The following TSPOAP1 variants were observed in gnomAD, a reference collection of about 807,000 sequenced individuals.
TSPOAP1 encodes the protein TSPO associated protein 1.
In TSPOAP1, 87 loss-of-function variants were observed where a neutral mutation model predicts 197.0. The ratio of observed to expected loss-of-function variants is 0.44; its 90% CI spans 0.37 to 0.53. The LOEUF is 0.53. Among genes scored for constraint, TSPOAP1 ranks in the 20% least tolerant of loss-of-function variants. The probability of loss-of-function intolerance (pLI) is 0.00; values close to 1 mark genes in which losing one functional copy is unlikely to be tolerated. For missense variants in TSPOAP1, 2,174 were observed against 2,411.3 expected (o/e 0.90, Z 2.06); for synonymous variants, 913 against 998.9 (o/e 0.91, Z 1.62).
intron 1 of TSPOAP1, among the ~76,000 whole-genome samples, 188 bp downstream of exon 1, chr17:58,327,400 A>C (rs1313453095): frequency 6.6e-6 from 1 of 152,210 alleles, no homozygotes; most frequent in Non-Finnish European, 1.5e-5. Context: ...ATGACGAAAG[A>C]AATGGAGCCC....
At chr17:58,327,468 A>T in intron 1 of TSPOAP1, 120 bp downstream of exon 1, 1 of 959,260 alleles carries the variant, frequency 1.0e-6, no homozygotes, top group Non-Finnish European at 1.6e-6. Context: ...ACCCACAGAC[A>T]GGCCAAGAGA....
chr17:58,316,618 C>T lies in TSPOAP1; in HGVS notation c.1873-78G>A, dbSNP rs1971244893. ...CAAGCAGGCAGGTTTCCAGGCTGAG[C>T]CAGAGGACCTATTGCTTTAAGGAGG... On this transcript the variant is annotated intron_variant, in intron 14 of 31. Transcript: ENST00000343736. 17 of 1,156,862 alleles carry T rather than the reference C, an allele frequency of 1.5e-5. 1 individual carries two copies. In the South Asian group the frequency reaches 2.5e-4, roughly 17 times the overall value. 71.7% of individuals were successfully genotyped at this position (1,156,862 alleles called of 1,614,324 possible). A position where few individuals can be genotyped will look rare whatever the true frequency, so the allele number is the denominator to read the frequency against.
Position 58,327,638 on chromosome 17 carries a change from C to CA in TSPOAP1, c.282dup (p.Gly95TrpfsTer10). ...TCCTCTGGCCTCTGGCAGGCGGGTCCAGAGCTGGATGCTTGCTGGCCCAGG... is the reference window on the plus strand; with the variant it reads ...TCCTCTGGCCTCTGGCAGGCGGGTCCAAGAGCTGGATGCTTGCTGGCCCAGG... On this transcript the variant is annotated frameshift_variant, in exon 1 of 32. Coordinates refer to ENST00000343736, the MANE Select transcript of TSPOAP1 (RefSeq NM_004758.4). LOFTEE classifies it high-confidence loss of function. The CA allele has an allele frequency of 6.2e-7, 1 of 1,613,580 alleles. No homozygotes were observed. The highest frequency in any genetic ancestry group is 8.5e-7 in the Non-Finnish European group (1 of 1,180,026).
intron 25 of TSPOAP1, 63 bp downstream of exon 25, chr17:58,306,737 A>G (rs1302566178): frequency 6.4e-7 from 1 of 1,555,868 alleles, no homozygotes; most frequent in African/African-American, 1.4e-5. Flanking sequence ...ACAATTGCTC[A>G]GGGTCAGGTG....
In TSPOAP1 at chr17:58,324,991, C is replaced by A; in HGVS notation, c.762G>T (p.Gln254His). 1 of 1,534,312 alleles carries A rather than the reference C, an allele frequency of 6.5e-7. No homozygotes were observed. Among genetic ancestry groups the A allele is most frequent in the Non-Finnish European group, 8.8e-7 (1 of 1,141,062 alleles). Residue 254 changes from glutamine (Q) to histidine (H), a missense_variant, in exon 5 of 32, where the codon CAG becomes CAT. Physicochemically the swap from Gln to His is conservative, Grantham distance 24. Around this residue, in one of 5 missense-constraint regions of TSPOAP1, gnomAD observed 1,933 missense variants for 2,139.0 expected, o/e 0.90. Coordinates refer to ENST00000343736, the MANE Select transcript of TSPOAP1 (RefSeq NM_004758.4). The surrounding 1 kb of genome is among the most constrained non-coding windows in gnomAD (Gnocchi z 5.8). ...RLTLVGKEGP[Q>H]WLHVRDFDRL... ...GATCGAAGTCCCGCACGTGGAGCCACTGGGGACCCTCCTGAGGTTGGGGGA... is the reference window on the plus strand; with the variant it reads ...GATCGAAGTCCCGCACGTGGAGCCAATGGGGACCCTCCTGAGGTTGGGGGA...
chr17:58,312,164 C>A lies in TSPOAP1; in HGVS notation c.2657G>T (p.Ser886Ile). 1 of 1,613,098 alleles carries A rather than the reference C, an allele frequency of 6.2e-7. No individual in the cohort carries two copies. The highest frequency in any genetic ancestry group is 1.3e-5 in the African/African-American group (1 of 75,064). The change falls in exon 17 of 32, where the codon AGC becomes ATC. Residue 886 changes from serine (S) to isoleucine (I), a missense_variant. Ser to Ile is a moderately radical substitution (Grantham distance 142). Transcript: ENST00000343736. ...AVGARAGVVP[S>I]QLRVHRLTAT... is the part of the protein sequence containing the mutation. ...TGTCAACCGATGGACCCGCAGCTGG[C>A]TGGGCACCACTCCGGCCCGGGCACC...
At chr17:58,310,213 G>T in intron 20 of TSPOAP1, 55 bp from the exon 21 acceptor site, 1 of 1,548,074 alleles carries the variant, frequency 6.5e-7, no homozygotes. Flanking sequence ...GGCACAGGGG[G>T]TTCCAGGCAG....
chr17:58,311,281 C>CA, intron 18 of TSPOAP1, 68 bp from the exon 19 acceptor site: 1 of 1,570,052 alleles, frequency 6.4e-7, no homozygotes. Context: ...GATGCACTGA[C>CA]AGCAGTGGCA....
intron 13 of TSPOAP1, 92 bp from the exon 14 acceptor site, chr17:58,318,544 C>T (rs1002325973): frequency 5.5e-6 from 7 of 1,283,010 alleles, no homozygotes; most frequent in Non-Finnish European, 7.4e-6. Context: ...GGACCAGGCC[C>T]TCCATAGCCG....
rs1452365578 is a variant in TSPOAP1 at position 58,307,724 on chromosome 17, G to A, written c.4870C>T (p.His1624Tyr). Residue 1624 changes from histidine (H) to tyrosine (Y), a missense_variant, in exon 24 of 32, where the codon CAC becomes TAC. By Grantham distance (83) the His-to-Tyr change is moderately conservative. Transcript: ENST00000343736. ...GCCACAAAGATCCTGACGGGTAGGT[G>A]CTGGTAAGCCAGTGTTTCTGAGGGG... ...RSPSETLAYQ[H>Y]LPVRIFVALF... 2 of 1,614,072 alleles carry A rather than the reference G, an allele frequency of 1.2e-6. No individual in the cohort carries two copies. Among genetic ancestry groups the A allele is most frequent in the Non-Finnish European group, 1.7e-6 (2 of 1,180,050 alleles).
In TSPOAP1 at chr17:58,319,619, A is replaced by G. The variant is rs2285994; in HGVS notation, c.1495-325T>C. ...TTCTAGGCCAACAGGGATCATTCCC[A>G]CCCCATCATCACCACCATCACCGCA... On this transcript the variant is annotated intron_variant, in intron 12 of 31. Coordinates refer to ENST00000343736, the MANE Select transcript of TSPOAP1 (RefSeq NM_004758.4). Among the ~76,000 whole-genome samples the G allele has an allele frequency of 3.2e-4, 49 of 152,226 alleles. No homozygotes were observed. The East Asian group carries it at 9.3e-3, about 29-fold the overall frequency.
Position 58,305,621 on chromosome 17 carries a change from A to T in TSPOAP1, c.5280T>A (p.Ser1760=), listed in dbSNP as rs1970859358. The part of the protein sequence containing the change: ...PCPGPPKLVP[S]ADLKAPHSMV... ...TGGAGTGGGGAGCTTTCAGGTCAGC[A>T]GAGGGGACCAGCTTAGGGGGGCCTG... The change falls in exon 28 of 32, where the codon TCT becomes TCA. Residue 1760 remains serine, a synonymous_variant. Coordinates refer to ENST00000343736, the MANE Select transcript of TSPOAP1 (RefSeq NM_004758.4). 6.4e-7 allele frequency: 1 copy of T among 1,552,184 alleles called. No homozygotes were observed. Among genetic ancestry groups the T allele is most frequent in the Admixed American group, 1.9e-5 (1 of 52,588 alleles).
At chr17:58,318,560 CCTT>C in intron 13 of TSPOAP1, 108 bp from the exon 14 acceptor site, 1 of 1,139,324 alleles carries the variant, frequency 8.8e-7, no homozygotes, top group Non-Finnish European at 1.2e-6. Flanking sequence ...AGCCGGGCTT[CCTT>C]ACAAAAAGGG....
Position 58,328,427 on chromosome 17 carries a change from G to A in TSPOAP1, c.-507C>T. 5.8e-6 allele frequency: 1 copy of A among 172,786 alleles called. No individual in the cohort carries two copies. Among genetic ancestry groups the A allele is most frequent in the East Asian group, 1.6e-4 (1 of 6,356 alleles). 10.7% of individuals were successfully genotyped at this position (172,786 alleles called of 1,614,324 possible). On this transcript the variant is annotated 5_prime_UTR_variant, in exon 1 of 32. Transcript: ENST00000343736. This position sits in a 1 kb window ranked among gnomAD's most constrained non-coding sequence, Gnocchi z 4.3. ...CTGTATTGCAGGGCTGTGGCAGTAT[G>A]TGATGCTGTCCCTGGTTGTATCTGA... is the stretch of plus-strand genomic sequence containing the variant.
In TSPOAP1 at chr17:58,320,556, T is replaced by C; in HGVS notation, c.1448A>G (p.His483Arg). Residue 483 changes from histidine (H) to arginine (R), a missense_variant, in exon 11 of 32, where the codon CAT (histidine) becomes CGT (arginine). His to Arg is a conservative substitution (Grantham distance 29). This residue lies in a region of TSPOAP1 where 1,933 missense variants were observed against 2,139.0 expected (regional missense o/e 0.90). Coordinates refer to ENST00000343736, the MANE Select transcript of TSPOAP1 (RefSeq NM_004758.4). ...QQAQAEAQRE[H>R]EGAVQLLEST... ...CTCCAGCAGCTGCACGGCTCCTTCATGTTCCCTCTGGGCTTCAGCCTGGGC... is the reference window on the plus strand; with the variant it reads ...CTCCAGCAGCTGCACGGCTCCTTCACGTTCCCTCTGGGCTTCAGCCTGGGC... The C allele has an allele frequency of 6.7e-7, 1 of 1,484,580 alleles. No homozygotes were observed. Among genetic ancestry groups the C allele is most frequent in the Non-Finnish European group, 8.9e-7 (1 of 1,118,100 alleles). The allele number at this position is 1,484,580 out of a possible 1,614,324, so 92.0% of individuals were successfully genotyped here.
rs373191378 is a variant in TSPOAP1, at chr17:58,310,988, C to G, written c.3307G>C (p.Ala1103Pro). Residue 1103 changes from alanine to proline, a missense_variant, in exon 19 of 32, where the codon GCT (alanine) becomes CCT (proline). Ala to Pro is a conservative substitution (Grantham distance 27). This residue lies in a region of TSPOAP1 where 1,933 missense variants were observed against 2,139.0 expected (regional missense o/e 0.90). Coordinates refer to ENST00000343736, the MANE Select transcript of TSPOAP1 (RefSeq NM_004758.4). ...TCTCCAGGCCCTGGGGAGGCTGAAG[C>G]AAGGGGCGCTCTGGCCTCTGGGCTT... Reference protein sequence around the residue: ...HPSPEARAPLASASPGPGDPS... With the variant: ...HPSPEARAPLPSASPGPGDPS... 3.1e-6 allele frequency: 5 copies of G among 1,597,300 alleles called. No individual in the cohort carries two copies. Among genetic ancestry groups the G allele is most frequent in the Non-Finnish European group, 4.3e-6 (5 of 1,172,018 alleles).
chr17:58,318,898 G>A (rs539066310), intron 13 of TSPOAP1, among the ~76,000 whole-genome samples, 192 bp downstream of exon 13: 23 of 152,276 alleles, frequency 1.5e-4, no homozygotes, highest in African/African-American at 5.3e-4. Flanking sequence ...ACGATGCCTG[G>A]GCCAGACTCT....
chr17:58,319,169 G>T lies in TSPOAP1; in HGVS notation c.1620C>A (p.Asp540Glu). 2 of 1,568,306 alleles carry T rather than the reference G, an allele frequency of 1.3e-6. No individual in the cohort carries two copies. Among genetic ancestry groups the T allele is most frequent in the Non-Finnish European group, 1.7e-6 (2 of 1,156,242 alleles). Residue 540 changes from aspartate to glutamate, a missense_variant, in exon 13 of 32, where the codon GAC becomes GAA. Asp to Glu is a conservative substitution (Grantham distance 45). Coordinates refer to ENST00000343736, the MANE Select transcript of TSPOAP1 (RefSeq NM_004758.4). ...GTGGGCAGTCTCCAAGGCTCCCACA[G>T]TCCAGGGCAGATGTGAGCAGATCCA... ...GPLDLLTSAL[D>E]CGSLGDCPPP... is the part of the protein sequence containing the mutation.
At position 58,324,502 on chromosome 17, in the gene TSPOAP1, G is replaced by A. The variant is rs1483659962; in HGVS notation, c.942+309C>T. 6.6e-6 allele frequency among the ~76,000 whole-genome samples: 1 copy of A among 151,858 alleles called. No individual in the cohort carries two copies. Among genetic ancestry groups the A allele is most frequent in the Non-Finnish European group, 1.5e-5 (1 of 67,906 alleles). On this transcript the variant is annotated intron_variant, in intron 5 of 31. Coordinates refer to ENST00000343736, the MANE Select transcript of TSPOAP1 (RefSeq NM_004758.4). The surrounding 1 kb of genome is among the most constrained non-coding windows in gnomAD (Gnocchi z 5.8). ...GGGCTGGGCCCCGGGCGGCTGCCAG[G>A]ACAACCAGGGATTTGCGGCCGGGCC...
Sources: allele counts gnomAD v4.1 joint callset (sites outside exome capture counted in the v4.1 genomes callset), GRCh38; gene constraint gnomAD v4.1.1; regional missense constraint gnomAD v4.1.1; non-coding constraint Gnocchi (gnomAD v3.1); transcripts MANE v1.5; gene names NCBI Gene and HGNC (gene_info 2026-07-23, HGNC 2026-07-21).